The following TMEFF1 variants were observed in gnomAD, a reference collection of about 807,000 sequenced individuals.
The protein encoded by TMEFF1 is tomoregulin-1.
Under a neutral mutation model 47.5 loss-of-function variants are expected in TMEFF1, and 20 were observed. That is an observed-to-expected ratio of 0.42 (90% CI 0.30 to 0.61). The LOEUF (loss-of-function observed/expected upper bound fraction) is 0.61. Among genes scored for constraint, TMEFF1 ranks in the 20% least tolerant of loss-of-function variants. The probability of loss-of-function intolerance (pLI) is 0.19; values close to 1 mark genes in which losing one functional copy is unlikely to be tolerated. For missense variants in TMEFF1, 411 were observed against 471.1 expected (o/e 0.87, Z 1.18); for synonymous variants, 162 against 166.3 (o/e 0.97, Z 0.20).
intron 1 of TMEFF1, among the ~76,000 whole-genome samples, chr9:100,477,207 A>G (rs1389135571): frequency 6.6e-6 from 1 of 152,194 alleles, no homozygotes; most frequent in African/African-American, 2.4e-5. Flanking sequence ...ATTGTGAAAA[A>G]GGATGGAACC....
At chr9:100,575,879 T>G (rs1214083246) in intron 9 of TMEFF1, among the ~76,000 whole-genome samples, 1 of 152,066 alleles carries the variant, frequency 6.6e-6, no homozygotes, top group East Asian at 1.9e-4. Flanking sequence ...TTTGTACTGC[T>G]GTTGAGAAAC....
intron 5 of TMEFF1, among the ~76,000 whole-genome samples, chr9:100,538,506 T>C (rs1838563201): frequency 6.6e-6 from 1 of 152,232 alleles, no homozygotes; most frequent in South Asian, 2.1e-4. Context: ...GGGCCTCCCA[T>C]GTCTCTCTCT....
intron 1 of TMEFF1, among the ~76,000 whole-genome samples, chr9:100,491,014 A>G (rs868355963): frequency 6.6e-6 from 1 of 151,988 alleles, no homozygotes; most frequent in African/African-American, 2.4e-5. Flanking sequence ...CAGGTTTTTC[A>G]TATAAAATCA....
intron 4 of TMEFF1, among the ~76,000 whole-genome samples, chr9:100,515,939 A>G (rs1428443874): frequency 1.3e-5 from 2 of 152,132 alleles, no homozygotes; most frequent in African/African-American, 4.8e-5. Flanking sequence ...GATTATCAGG[A>G]TATGATCCAC....
Position 100,577,476 on chromosome 9 carries a change from G to C in TMEFF1, c.*876G>C, listed in dbSNP as rs1255904688. The C allele has an allele frequency of 6.6e-6, 1 of 152,372 alleles. No homozygotes were observed. Among genetic ancestry groups the C allele is most frequent in the African/African-American group, 2.4e-5 (1 of 41,386 alleles). 9.4% of individuals were successfully genotyped at this position (152,372 alleles called of 1,614,324 possible). On this transcript the variant is annotated 3_prime_UTR_variant, in exon 10 of 10. Transcript: ENST00000374879. ...AATAGATTAATATTCATAGATTGTT[G>C]GTGTTTAAAGATCTGAAGTGTGAGT...
rs140948811 is a variant in TMEFF1, at chr9:100,490,031, C to A, written c.197-8734C>A. Among the ~76,000 whole-genome samples the A allele has an allele frequency of 5.0e-3, 751 of 150,632 alleles. 4 individuals carry two copies. Among genetic ancestry groups the A allele is most frequent in the African/African-American group, 0.017 (704 of 40,892 alleles). On this transcript the variant is annotated intron_variant, in intron 1 of 9. Transcript: ENST00000374879. ...AGGCATTTAGAATTAAAGTAGGCAG[C>A]GGGGGAAGATTGCAGGAGTGGGGGT...
chr9:100,516,610 A>C, intron 4 of TMEFF1, 65 bp from the exon 5 acceptor site: 1 of 1,569,372 alleles, frequency 6.4e-7, no homozygotes, highest in Non-Finnish European at 8.6e-7. Flanking sequence ...ACTGCTGAAA[A>C]CATGAAGCAT....
At chr9:100,499,106 T>A (rs1837711466) in intron 2 of TMEFF1, among the ~76,000 whole-genome samples, 1 of 152,110 alleles carries the variant, frequency 6.6e-6, no homozygotes, top group South Asian at 2.1e-4. Context: ...TTGAAAAAAA[T>A]GTCAAATTTC....
intron 3 of TMEFF1, among the ~76,000 whole-genome samples, chr9:100,512,384 C>G (rs553755589): frequency 6.6e-6 from 1 of 151,890 alleles, no homozygotes; most frequent in Non-Finnish European, 1.5e-5. Flanking sequence ...GATTATTGTC[C>G]GAAGGAGCTT....
intron 5 of TMEFF1, among the ~76,000 whole-genome samples, chr9:100,543,708 C>CTAACATAAA (rs1838678372): frequency 7.3e-6 from 1 of 137,576 alleles, no homozygotes; most frequent in African/African-American, 2.8e-5. Flanking sequence ...AAGTAAAACA[C>CTAACATAAA]ACACACACAC....
chr9:100,567,017 C>T (rs1839138821), intron 8 of TMEFF1, among the ~76,000 whole-genome samples: 1 of 152,178 alleles, frequency 6.6e-6, no homozygotes. Context: ...TCCCACAGTG[C>T]AGAGTGAACC....
intron 8 of TMEFF1, among the ~76,000 whole-genome samples, chr9:100,562,510 T>A (rs1380162841): frequency 1.3e-5 from 2 of 152,190 alleles, no homozygotes; most frequent in African/African-American, 4.8e-5. Flanking sequence ...TTTAAGACAT[T>A]TGCTTTTTCC....
At chr9:100,569,954 C>G (rs888162740) in intron 8 of TMEFF1, among the ~76,000 whole-genome samples, 2 of 152,162 alleles carry the variant, frequency 1.3e-5, no homozygotes, top group African/African-American at 4.8e-5. Context: ...CCTACCACAC[C>G]AGTCCCTGGT....
At chr9:100,541,143 A>G (rs1838619331) in intron 5 of TMEFF1, among the ~76,000 whole-genome samples, 10 of 152,164 alleles carry the variant, frequency 6.6e-5, no homozygotes, top group Admixed American at 6.5e-4. Flanking sequence ...CAAACAGAAA[A>G]GGAGAAAAAT....
intron 1 of TMEFF1, among the ~76,000 whole-genome samples, chr9:100,489,221 C>CT (rs898552003): frequency 1.3e-5 from 2 of 151,830 alleles, no homozygotes; most frequent in East Asian, 1.9e-4. Context: ...TTTCCTTTTT[C>CT]TTTTTTTTGG....
At chr9:100,536,613 TCTC>T (rs1838513431) in intron 5 of TMEFF1, among the ~76,000 whole-genome samples, 1 of 152,230 alleles carries the variant, frequency 6.6e-6, no homozygotes, top group Non-Finnish European at 1.5e-5. Flanking sequence ...TTTTAAGTCT[TCTC>T]TTGATTATTA....
rs1229865061 is a variant in TMEFF1, at chr9:100,572,574, A to G, written c.956A>G (p.Tyr319Cys). The change falls in exon 9 of 10, where the codon TAT becomes TGT. Residue 319 changes from tyrosine to cysteine, a missense_variant. Transcript: ENST00000374879. Reference protein sequence around the residue: ...HCEKTDFSILYVVPSRQKLTH... With the variant: ...HCEKTDFSILCVVPSRQKLTH... ...GAAAAGACAGACTTTAGTATTCTCT[A>G]TGTAGTGCCAAGTAGGCAAAAGCTC... is the stretch of plus-strand genomic sequence containing the variant. The G allele has an allele frequency of 4.3e-6, 7 of 1,613,534 alleles. No individual in the cohort carries two copies. Among genetic ancestry groups the G allele is most frequent in the Admixed American group, 1.7e-5 (1 of 59,958 alleles).
chr9:100,575,201 G>A (rs947851992), intron 9 of TMEFF1, among the ~76,000 whole-genome samples: 2 of 152,106 alleles, frequency 1.3e-5, no homozygotes, highest in South Asian at 2.1e-4. Flanking sequence ...ATACCGTGGC[G>A]GCTGTCACAT....
intron 4 of TMEFF1, among the ~76,000 whole-genome samples, chr9:100,513,727 G>A (rs1449568039): frequency 6.6e-6 from 1 of 152,066 alleles, no homozygotes; most frequent in Non-Finnish European, 1.5e-5. Context: ...ATCCCCACAA[G>A]TGATTTTAGC....
Sources: gnomAD v4.1 joint callset for allele counts (sites outside exome capture counted in the v4.1 genomes callset) on GRCh38, gnomAD v4.1.1 for gene constraint, MANE v1.5 for transcripts, NCBI Gene and HGNC (gene_info 2026-07-23, HGNC 2026-07-21) for gene names.